LRP1B: variants seen among roughly 807,000 people sequenced by gnomAD.
The protein encoded by LRP1B is low-density lipoprotein receptor-related protein 1B.
A neutral mutation model predicts 556.6 loss-of-function variants in LRP1B; 217 were observed. The observed-to-expected ratio is 0.39, with a 90% CI of 0.35 to 0.44. The LOEUF (loss-of-function observed/expected upper bound fraction) is 0.44, where lower values mean the gene tolerates loss of function less well. Among genes scored for constraint, LRP1B ranks in the 20% least tolerant of loss-of-function variants. LRP1B has a pLI of 1.00. For missense variants in LRP1B, 5,053 were observed against 5,620.8 expected (o/e 0.90, Z 3.23); for synonymous variants, 2,047 against 1,865.8 (o/e 1.10, Z -2.50).
chr2:140,300,049 A>G (rs1558782479), intron 83 of LRP1B, among the ~76,000 whole-genome samples: 2 of 152,120 alleles, frequency 1.3e-5, no homozygotes, highest in East Asian at 1.9e-4. Flanking sequence ...TTCTATCCCC[A>G]TCACTCAAAG....
intron 2 of LRP1B, among the ~76,000 whole-genome samples, chr2:141,765,863 C>T (rs1172529576): frequency 6.6e-5 from 10 of 152,138 alleles, no homozygotes; most frequent in Non-Finnish European, 1.2e-4. Flanking sequence ...TTGAACTCTA[C>T]CTCTGACTTC....
intron 2 of LRP1B, among the ~76,000 whole-genome samples, chr2:141,728,893 A>G (rs1693154239): frequency 6.6e-6 from 1 of 152,100 alleles, no homozygotes; most frequent in Non-Finnish European, 1.5e-5. Flanking sequence ...TTCCTTTAAG[A>G]AATCAGTTCT....
chr2:141,219,102 A>G (rs1682933347), intron 6 of LRP1B, among the ~76,000 whole-genome samples: 2 of 152,188 alleles, frequency 1.3e-5, no homozygotes, highest in Admixed American at 1.3e-4. Context: ...TCTCCTTGTG[A>G]GTCCACCCCA....
chr2:140,963,288 A>G (rs1198322900), intron 18 of LRP1B, among the ~76,000 whole-genome samples: 2 of 152,130 alleles, frequency 1.3e-5, no homozygotes, highest in Non-Finnish European at 2.9e-5. Flanking sequence ...CCCACTTGAG[A>G]AAAGAAGATT....
At chr2:141,539,641 T>C (rs1329262835) in intron 2 of LRP1B, among the ~76,000 whole-genome samples, 3 of 152,148 alleles carry the variant, frequency 2.0e-5, no homozygotes, top group Non-Finnish European at 4.4e-5. Flanking sequence ...TTTGCACAAC[T>C]TCCTTGAAAG....
chr2:141,061,846 A>G (rs1308631351), intron 8 of LRP1B, among the ~76,000 whole-genome samples: 1 of 151,698 alleles, frequency 6.6e-6, no homozygotes, highest in Non-Finnish European at 1.5e-5. Context: ...AATAGAAGGG[A>G]GAAAGAGCAA....
intron 1 of LRP1B, among the ~76,000 whole-genome samples, chr2:142,095,187 T>A (rs1408423296): frequency 6.6e-6 from 1 of 151,318 alleles, no homozygotes; most frequent in East Asian, 1.9e-4. Flanking sequence ...TTAGAACATA[T>A]CCACAATGGG....
At position 140,840,955 on chromosome 2, in the gene LRP1B, C is replaced by A; in HGVS notation, c.5077G>T (p.Asp1693Tyr). Residue 1693 changes from aspartate (D) to tyrosine (Y), a missense_variant, in exon 30 of 91, where the codon GAT (aspartate) becomes TAT (tyrosine). This residue lies in a region of LRP1B where 3,619 missense variants were observed against 3,931.9 expected (regional missense o/e 0.92). Transcript: ENST00000389484. ...SLKTSIIHGI[D>Y]KPQCLAAHPV... ...TGAGCTGCAAGACACTGTGGCTTAT[C>A]GATTCCATGGATAATTGAGGTTTTC... The A allele has an allele frequency of 6.2e-7, 1 of 1,613,190 alleles. No homozygotes were observed. The highest frequency in any genetic ancestry group is 1.7e-4 in the Middle Eastern group (1 of 6,052).
chr2:141,468,566 T>C (rs1682331805), intron 3 of LRP1B, among the ~76,000 whole-genome samples: 1 of 152,170 alleles, frequency 6.6e-6, no homozygotes, highest in Non-Finnish European at 1.5e-5. Flanking sequence ...TCATTTTACA[T>C]ATACCATTTA....
chr2:140,681,035 A>T (rs1466204445), intron 41 of LRP1B, among the ~76,000 whole-genome samples: 3 of 152,212 alleles, frequency 2.0e-5, no homozygotes, highest in Non-Finnish European at 4.4e-5. Flanking sequence ...AGTCACAGGA[A>T]AATGAAACTC....
chr2:141,013,051 G>A (rs940649493), intron 14 of LRP1B, among the ~76,000 whole-genome samples: 7 of 151,808 alleles, frequency 4.6e-5, no homozygotes, highest in African/African-American at 1.7e-4. Flanking sequence ...CATGAATATT[G>A]TTATAGACGG....
chr2:141,849,975 A>G (rs1330909149), intron 1 of LRP1B, among the ~76,000 whole-genome samples: 3 of 151,692 alleles, frequency 2.0e-5, no homozygotes, highest in Non-Finnish European at 1.5e-5. Context: ...AGAAGAAACC[A>G]TTTGTTAAGA....
At chr2:141,973,850 C>G (rs1276907443) in intron 1 of LRP1B, among the ~76,000 whole-genome samples, 2 of 151,626 alleles carry the variant, frequency 1.3e-5, no homozygotes, top group Non-Finnish European at 2.9e-5. Flanking sequence ...TAAATCTTAC[C>G]AATATTTTGA....
chr2:141,828,318 G>T (rs1697003101), intron 1 of LRP1B, among the ~76,000 whole-genome samples: 1 of 151,960 alleles, frequency 6.6e-6, no homozygotes, highest in Non-Finnish European at 1.5e-5. Flanking sequence ...TTAAATGACA[G>T]CAGTGTGGTA....
At chr2:140,826,071 C>T (rs774152262) in intron 31 of LRP1B, among the ~76,000 whole-genome samples, 10 of 152,184 alleles carry the variant, frequency 6.6e-5, no homozygotes, top group Non-Finnish European at 1.3e-4. Flanking sequence ...GACAAAGAAA[C>T]TCATTTTGTC....
intron 6 of LRP1B, among the ~76,000 whole-genome samples, chr2:141,218,755 A>C (rs1251965931): frequency 2.0e-5 from 3 of 152,164 alleles, no homozygotes; most frequent in Non-Finnish European, 2.9e-5. Context: ...AAACCTGTAC[A>C]TGTACCCCTG....
intron 62 of LRP1B, among the ~76,000 whole-genome samples, chr2:140,455,745 G>C (rs1687077820): frequency 6.6e-6 from 1 of 152,114 alleles, no homozygotes; most frequent in South Asian, 2.1e-4. Context: ...CTAGTAACTA[G>C]AAAATCAGCA....
chr2:141,105,651 T>C (rs1700585456), intron 7 of LRP1B, among the ~76,000 whole-genome samples: 1 of 129,824 alleles, frequency 7.7e-6, no homozygotes, highest in Non-Finnish European at 1.8e-5. Context: ...TGTCAAACTC[T>C]TTGGAAAAGT....
intron 18 of LRP1B, among the ~76,000 whole-genome samples, chr2:140,954,190 A>G (rs1237629647): frequency 6.6e-6 from 1 of 152,156 alleles, no homozygotes; most frequent in African/African-American, 2.4e-5. Context: ...TTATGTTTCA[A>G]GAATCAGCAC....
Sources: allele counts gnomAD v4.1 joint callset (sites outside exome capture counted in the v4.1 genomes callset), GRCh38; gene constraint gnomAD v4.1.1; regional missense constraint gnomAD v4.1.1; transcripts MANE v1.5; gene names NCBI Gene and HGNC (gene_info 2026-07-23, HGNC 2026-07-21).